The following ZNF618 variants were observed in gnomAD, a reference collection of about 807,000 sequenced individuals.
ZNF618 encodes zinc finger protein 618, also known as neural precursor cell expressed, developmentally down-regulated 10.
ZNF618 carries 34 observed loss-of-function variants against 103.0 expected under a neutral mutation model. That is an observed-to-expected ratio of 0.33 (90% CI 0.25 to 0.44). ZNF618 has a LOEUF of 0.44. Ranked by LOEUF, ZNF618 falls within the 20% of genes least tolerant of loss-of-function variation. The pLI, the probability that ZNF618 is intolerant of heterozygous loss-of-function variation, is 1.00. For missense variants in ZNF618, 1,059 were observed against 1,295.4 expected (o/e 0.82, Z 2.80); for synonymous variants, 551 against 542.2 (o/e 1.02, Z -0.23).
intron 1 of ZNF618, among the ~76,000 whole-genome samples, chr9:113,919,182 C>A (rs925782345): frequency 6.6e-6 from 1 of 152,058 alleles, no homozygotes; most frequent in Non-Finnish European, 1.5e-5. Flanking sequence ...AGCAGGCTGG[C>A]AGGAAAGTGA....
At chr9:113,878,288 G>A (rs533662492) in intron 1 of ZNF618, among the ~76,000 whole-genome samples, 3 of 152,158 alleles carry the variant, frequency 2.0e-5, no homozygotes, top group African/African-American at 7.2e-5. Context: ...ATCTTCCTTG[G>A]TAGAACACTT....
At chr9:113,963,800 A>C (rs1837092637) in intron 1 of ZNF618, among the ~76,000 whole-genome samples, 2 of 152,134 alleles carry the variant, frequency 1.3e-5, no homozygotes. Context: ...CCAGGCCCTG[A>C]GCTGGGTGCT....
chr9:113,978,011 T>C (rs1426849052), intron 2 of ZNF618, among the ~76,000 whole-genome samples: 1 of 152,254 alleles, frequency 6.6e-6, no homozygotes, highest in Admixed American at 6.5e-5. Flanking sequence ...ACTAATGATA[T>C]ATTTATGCAT....
rs749400637 is a variant in ZNF618, at chr9:114,008,460, C to T, written c.677-17C>T. ...CCTGGGGGACCAGGGTGCTAAGGGC[C>T]GTGTGTTCTCCCACAGACCCCTTCG... is the stretch of plus-strand genomic sequence containing the variant. On this transcript the variant is annotated splice_polypyrimidine_tract_variant and intron_variant, in intron 8 of 14. Coordinates refer to ENST00000374126, the MANE Select transcript of ZNF618 (RefSeq NM_001318042.2). 16 of 1,613,788 alleles carry T rather than the reference C, an allele frequency of 9.9e-6. No individual in the cohort carries two copies. The South Asian group carries it at 1.2e-4, about 12-fold the overall frequency.
At chr9:113,937,959 A>AG (rs2131986831) in intron 1 of ZNF618, among the ~76,000 whole-genome samples, 1 of 152,188 alleles carries the variant, frequency 6.6e-6, no homozygotes, top group East Asian at 1.9e-4. Flanking sequence ...GATTTGTACC[A>AG]GGGGGCTCTA....
intron 1 of ZNF618, among the ~76,000 whole-genome samples, chr9:113,909,978 T>G (rs1349539453): frequency 1.3e-5 from 2 of 152,104 alleles, no homozygotes; most frequent in South Asian, 2.1e-4. Flanking sequence ...AGAGATGGGA[T>G]TTCACCATGT....
At chr9:113,944,995 C>A (rs1834885201) in intron 1 of ZNF618, among the ~76,000 whole-genome samples, 1 of 152,148 alleles carries the variant, frequency 6.6e-6, no homozygotes, top group African/African-American at 2.4e-5. Context: ...CACCTGTGAA[C>A]CTGTTAATGA....
intron 1 of ZNF618, among the ~76,000 whole-genome samples, chr9:113,918,282 TGTTGAACACTTA>T (rs573813634): frequency 6.6e-6 from 1 of 152,176 alleles, no homozygotes; most frequent in Non-Finnish European, 1.5e-5. Context: ...GTGATGTTAG[TGTTGAACACTTA>T]GTTAAGGTGG....
intron 3 of ZNF618, among the ~76,000 whole-genome samples, chr9:113,990,687 G>C (rs1346815388): frequency 6.6e-6 from 1 of 152,182 alleles, no homozygotes; most frequent in South Asian, 2.1e-4. Flanking sequence ...GCCAGAGAGA[G>C]AGGTGTTAAT....
chr9:113,880,680 G>A (rs974265954), intron 1 of ZNF618, among the ~76,000 whole-genome samples: 3 of 152,094 alleles, frequency 2.0e-5, no homozygotes, highest in Non-Finnish European at 2.9e-5. Flanking sequence ...TAGAATATAG[G>A]GGAACAAAAA....
rs1846135448 is a variant in ZNF618 at position 114,051,562 on chromosome 9, CCT to C, written c.*1399_*1400del. 1 of 152,994 alleles carries C rather than the reference CCT, an allele frequency of 6.5e-6. No homozygotes were observed. The highest frequency in any genetic ancestry group is 2.4e-5 in the African/African-American group (1 of 41,402). 9.5% of individuals were successfully genotyped at this position (152,994 alleles called of 1,614,324 possible). Reference sequence around the variant, plus strand: ...CCACCACACCTCAGACCTGCCACAGCCTCTCCTCACTTCCCAGGACCCTGAGG... The same window carrying C: ...CCACCACACCTCAGACCTGCCACAGCCTCCTCACTTCCCAGGACCCTGAGG... On this transcript the variant is annotated 3_prime_UTR_variant, in exon 15 of 15. Transcript: ENST00000374126.
intron 14 of ZNF618, among the ~76,000 whole-genome samples, chr9:114,048,202 T>C (rs1164669597): frequency 6.6e-6 from 1 of 152,192 alleles, no homozygotes; most frequent in Non-Finnish European, 1.5e-5. Flanking sequence ...AGGAGGTGAC[T>C]TTTTTTGTGG....
In ZNF618 at chr9:114,049,898, G is replaced by T. The variant is rs1157209819; in HGVS notation, c.2596G>T (p.Asp866Tyr). The T allele has an allele frequency of 1.2e-6, 2 of 1,613,964 alleles. No individual in the cohort carries two copies. The highest frequency in any genetic ancestry group is 1.7e-5 in the Admixed American group (1 of 60,036). The change falls in exon 15 of 15, where the codon GAT becomes TAT. Residue 866 changes from aspartate (D) to tyrosine (Y), a missense_variant. Coordinates refer to ENST00000374126, the MANE Select transcript of ZNF618 (RefSeq NM_001318042.2). ...AAVENPAAQE[D>Y]DRLGKNEVYD... ...CGTCGAGAACCCCGCAGCTCAGGAA[G>T]ATGATCGGCTAGGCAAAAATGAAGT...
intron 1 of ZNF618, among the ~76,000 whole-genome samples, chr9:113,890,299 C>T (rs927804804): frequency 2.0e-5 from 3 of 152,198 alleles, no homozygotes; most frequent in African/African-American, 4.8e-5. Context: ...CCGCCCTTCA[C>T]ATTTTGATGA....
intron 6 of ZNF618, 55 bp from the exon 7 acceptor site, chr9:114,007,295 C>A: frequency 6.5e-7 from 1 of 1,535,688 alleles, no homozygotes; most frequent in Admixed American, 1.8e-5. Flanking sequence ...CAGAAAAACC[C>A]CACCCCACAA....
intron 1 of ZNF618, among the ~76,000 whole-genome samples, chr9:113,896,300 A>G (rs1050609232): frequency 2.6e-5 from 4 of 152,080 alleles, no homozygotes; most frequent in African/African-American, 4.8e-5. Context: ...TGGGTTAATC[A>G]ATGAATTTTC....
intron 1 of ZNF618, among the ~76,000 whole-genome samples, chr9:113,963,540 A>C (rs186273016): frequency 6.6e-6 from 1 of 152,250 alleles, no homozygotes; most frequent in Non-Finnish European, 1.5e-5. Context: ...CTGGGCATTC[A>C]AAATTGTCCC....
In ZNF618 at chr9:114,048,852, A is replaced by G; in HGVS notation, c.1550A>G (p.Asn517Ser). Residue 517 changes from asparagine (N) to serine (S), a missense_variant, in exon 15 of 15, where the codon AAC becomes AGC. Physicochemically the swap from Asn to Ser is conservative, Grantham distance 46 (BLOSUM62 1). Around this residue, in one of 6 missense-constraint regions of ZNF618, gnomAD observed 434 missense variants for 476.0 expected, o/e 0.91. Transcript: ENST00000374126. ...TTCTCGGTCACTGAAATCCTGGGCA[A>G]CTTCAACACGCTGGCGCTGAAGCAC... ...GAFSVTEILG[N>S]FNTLALKHLP... The G allele has an allele frequency of 6.2e-7, 1 of 1,609,366 alleles. No individual in the cohort carries two copies. The highest frequency in any genetic ancestry group is 8.5e-7 in the Non-Finnish European group (1 of 1,177,670).
chr9:114,011,575 G>A (rs1163862362), intron 9 of ZNF618, among the ~76,000 whole-genome samples: 3 of 152,172 alleles, frequency 2.0e-5, no homozygotes. Context: ...TTGCTTCTTC[G>A]GCTCCTGCTA....
Sources: allele counts gnomAD v4.1 joint callset (sites outside exome capture counted in the v4.1 genomes callset), GRCh38; gene constraint gnomAD v4.1.1; regional missense constraint gnomAD v4.1.1; transcripts MANE v1.5; gene names NCBI Gene and HGNC (gene_info 2026-07-23, HGNC 2026-07-21).